The following AIMP2 variants were observed in gnomAD, a reference collection of about 807,000 sequenced individuals.
AIMP2 encodes the protein aminoacyl tRNA synthase complex-interacting multifunctional protein 2.
In AIMP2, 20 loss-of-function variants were observed where a neutral mutation model predicts 23.4. The observed-to-expected ratio is 0.85, with a 90% CI of 0.60 to 1.24. AIMP2 has a LOEUF of 1.24. Among genes scored for constraint, AIMP2 ranks in the 50% most tolerant of loss-of-function variants. The probability of loss-of-function intolerance (pLI) is 0.00; values close to 1 mark genes in which losing one functional copy is unlikely to be tolerated. For synonymous variants in AIMP2, 210 were observed against 170.4 expected (o/e 1.23, Z -1.81); for missense variants, 515 against 414.5 (o/e 1.24, Z -2.10).
At chr7:6,022,978 A>G in intron 3 of AIMP2, 1 of 271,056 alleles carries the variant, frequency 3.7e-6, no homozygotes, top group Middle Eastern at 1.2e-3. Context: ...TGGGAGATGC[A>G]GCTCCTGGGT....
intron 3 of AIMP2, among the ~76,000 whole-genome samples, chr7:6,019,033 G>T (rs1048610755): frequency 1.3e-5 from 2 of 151,166 alleles, no homozygotes; most frequent in Admixed American, 6.6e-5. Context: ...GTAAACAAAC[G>T]TGAAGATGAG....
intron 3 of AIMP2, 85 bp downstream of exon 3, chr7:6,018,130 G>T: frequency 9.5e-7 from 1 of 1,047,918 alleles, no homozygotes; most frequent in African/African-American, 1.7e-5. Flanking sequence ...ATTTACATGT[G>T]GATTTTTTTC....
At chr7:6,012,432 T>C (rs1230021655) in intron 1 of AIMP2, among the ~76,000 whole-genome samples, 1 of 152,054 alleles carries the variant, frequency 6.6e-6, no homozygotes, top group African/African-American at 2.4e-5. Flanking sequence ...ACGAATGACA[T>C]AAAACAGATC....
chr7:6,014,250 C>G (rs75564095), intron 1 of AIMP2, among the ~76,000 whole-genome samples: 3 of 67,518 alleles, frequency 4.4e-5, no homozygotes, highest in African/African-American at 1.8e-4. Flanking sequence ...TTTGTTGAAG[C>G]TTTTTTTTTT....
At chr7:6,009,970 A>ATACATATATATATATATAT (rs1170519704) in intron 1 of AIMP2, among the ~76,000 whole-genome samples, 1 of 34,618 alleles carries the variant, frequency 2.9e-5, no homozygotes, top group Non-Finnish European at 5.8e-5. Flanking sequence ...AAAAAAAAAA[A>ATACATATATATATATATAT]AAAAATATAT....
At chr7:6,020,794 CTAT>C (rs1326397045) in intron 3 of AIMP2, among the ~76,000 whole-genome samples, 1 of 152,150 alleles carries the variant, frequency 6.6e-6, no homozygotes, top group Non-Finnish European at 1.5e-5. Context: ...CAAAGGACAT[CTAT>C]TAAGTAAAGA....
chr7:6,020,987 A>T (rs2345055), intron 3 of AIMP2, among the ~76,000 whole-genome samples: 2 of 151,926 alleles, frequency 1.3e-5, no homozygotes, highest in African/African-American at 4.8e-5. Context: ...TCTGGACAAG[A>T]ACGCTTTTTC....
rs1234204854 is a variant in AIMP2, at chr7:6,015,251, C to G, written c.241C>G (p.Gln81Glu). Residue 81 changes from glutamine to glutamate, a missense_variant, in exon 2 of 4, where the codon CAA (glutamine) becomes GAA (glutamate). Coordinates refer to ENST00000223029, the MANE Select transcript of AIMP2 (RefSeq NM_006303.4). Reference protein sequence around the residue: ...AAVDGLSKMIQTPDADLDVTN... With the variant: ...AAVDGLSKMIETPDADLDVTN... ...AGTTGATGGCCTCTCCAAGATGATT[C>G]AAACACCAGATGCAGACTTGGATGT... The G allele has an allele frequency of 2.5e-6, 4 of 1,614,058 alleles. No homozygotes were observed. In the African/African-American group the frequency reaches 4.0e-5, roughly 16 times the overall value.
chr7:6,013,776 T>C (rs2128877340), intron 1 of AIMP2, among the ~76,000 whole-genome samples: 1 of 152,128 alleles, frequency 6.6e-6, no homozygotes, highest in African/African-American at 2.4e-5. Context: ...AGCGCAGTTC[T>C]TTGTCTCTAC....
intron 2 of AIMP2, among the ~76,000 whole-genome samples, chr7:6,015,648 C>T (rs377500435): frequency 3.9e-5 from 6 of 152,214 alleles, no homozygotes; most frequent in Admixed American, 2.6e-4. Context: ...GGCATGAACC[C>T]GGGCAGCAGA....
At chr7:6,009,972 A>T (rs868378964) in intron 1 of AIMP2, among the ~76,000 whole-genome samples, 6,727 of 31,096 alleles carry the variant, frequency 0.22, 680 homozygotes, top group African/African-American at 0.34. Flanking sequence ...AAAAAAAAAA[A>T]AAATATATAT....
chr7:6,023,683 C>T lies in AIMP2; in HGVS notation c.955C>T (p.Leu319Phe). The T allele has an allele frequency of 6.2e-7, 1 of 1,614,102 alleles. No homozygotes were observed. Among genetic ancestry groups the T allele is most frequent in the Non-Finnish European group, 8.5e-7 (1 of 1,180,020 alleles). ...TCCTTTTAACACGGCCCTCAAGCTC[C>T]TTAAGTGAATTGCCGTAACTGATTT... ...LAPFNTALKL[L>F]K is the part of the protein sequence containing the mutation. Residue 319 changes from leucine (L) to phenylalanine (F), a missense_variant, in exon 4 of 4, where the codon CTT (leucine) becomes TTT (phenylalanine). Physicochemically the swap from Leu to Phe is conservative, Grantham distance 22. Transcript: ENST00000223029.
At chr7:6,023,044 A>T in intron 3 of AIMP2, 10 of 406,664 alleles carry the variant, frequency 2.5e-5, no homozygotes, top group South Asian at 1.3e-4. Context: ...AGGTGGTCTG[A>T]GGTCCCTTCT....
At chr7:6,011,462 CTTTTCTCA>C (rs1396742193) in intron 1 of AIMP2, among the ~76,000 whole-genome samples, 2 of 152,176 alleles carry the variant, frequency 1.3e-5, no homozygotes, top group Non-Finnish European at 2.9e-5. Flanking sequence ...GTCTTTCACT[CTTTTCTCA>C]TTGCAAACGT....
intron 3 of AIMP2, among the ~76,000 whole-genome samples, chr7:6,019,485 A>T (rs111548360): frequency 1.5e-4 from 1 of 6,730 alleles, no homozygotes; most frequent in Non-Finnish European, 3.8e-4. Flanking sequence ...ACTCCGTCTC[A>T]AAAAAAAAAA....
chr7:6,015,764 A>G (rs1360767024), intron 2 of AIMP2, among the ~76,000 whole-genome samples: 1 of 152,216 alleles, frequency 6.6e-6, no homozygotes, highest in Non-Finnish European at 1.5e-5. Context: ...TCAAAGGCAG[A>G]GCCAAGAGCA....
chr7:6,012,227 TG>T (rs1253907827), intron 1 of AIMP2, among the ~76,000 whole-genome samples: 1 of 146,490 alleles, frequency 6.8e-6, no homozygotes, highest in Non-Finnish European at 1.5e-5. Context: ...GACTCCAGCA[TG>T]GGCAACAGAG....
At position 6,015,187 on chromosome 7, in the gene AIMP2, AGAT is replaced by A; in HGVS notation, c.181_183del (p.Asp61del). The A allele has an allele frequency of 1.2e-6, 2 of 1,614,194 alleles. No homozygotes were observed. The highest frequency in any genetic ancestry group is 8.5e-7 in the Non-Finnish European group (1 of 1,180,038). On this transcript the variant is annotated inframe_deletion, in exon 2 of 4. Transcript: ENST00000223029. ...CTCTGCAAGCTCTTGAGTCCCGCCA[AGAT>A]GATATTTTAAAACGTCTGTATGAGT...
intron 2 of AIMP2, among the ~76,000 whole-genome samples, chr7:6,017,339 A>G (rs1288715312): frequency 6.6e-6 from 1 of 151,862 alleles, no homozygotes; most frequent in Non-Finnish European, 1.5e-5. Flanking sequence ...AACATGGCAA[A>G]ACCCCATCTC....
Sources: allele counts gnomAD v4.1 joint callset (sites outside exome capture counted in the v4.1 genomes callset), GRCh38; gene constraint gnomAD v4.1.1; transcripts MANE v1.5; gene names NCBI Gene and HGNC (gene_info 2026-07-23, HGNC 2026-07-21).